ADAMTSL1: variants seen among roughly 807,000 people sequenced by gnomAD.
The protein encoded by ADAMTSL1 is ADAMTS like 1.
A neutral mutation model predicts 201.8 loss-of-function variants in ADAMTSL1; 126 were observed. The observed-to-expected ratio is 0.62, with a 90% CI of 0.54 to 0.72. ADAMTSL1 has a LOEUF of 0.72. Among genes scored for constraint, ADAMTSL1 ranks in the 30% least tolerant of loss-of-function variants. The probability of loss-of-function intolerance (pLI) is 0.00; values close to 1 mark genes in which losing one functional copy is unlikely to be tolerated. For synonymous variants in ADAMTSL1, 1,121 were observed against 903.4 expected (o/e 1.24, Z -4.32); for missense variants, 2,679 against 2,277.8 (o/e 1.18, Z -3.59).
At chr9:18,110,660 C>G (rs962607194) in intron 1 of ADAMTSL1, among the ~76,000 whole-genome samples, 16 of 152,116 alleles carry the variant, frequency 1.1e-4, no homozygotes, top group African/African-American at 3.6e-4. Context: ...GACTACCAAG[C>G]TGTTGCTCAG....
intron 1 of ADAMTSL1, among the ~76,000 whole-genome samples, chr9:18,081,527 T>A (rs1052741819): frequency 1.1e-4 from 16 of 152,170 alleles, no homozygotes; most frequent in Non-Finnish European, 2.9e-5. Flanking sequence ...TGTATGCAGG[T>A]GGATCAGGGC....
intron 2 of ADAMTSL1, among the ~76,000 whole-genome samples, chr9:18,262,063 C>G (rs1478851164): frequency 6.6e-6 from 1 of 152,114 alleles, no homozygotes; most frequent in Non-Finnish European, 1.5e-5. Flanking sequence ...GAGAATTTGA[C>G]TAATGTGTTA....
intron 2 of ADAMTSL1, among the ~76,000 whole-genome samples, chr9:18,361,626 C>G (rs116569846): frequency 0.014 from 2,152 of 152,210 alleles, 43 homozygotes; most frequent in African/African-American, 0.048. Context: ...TTTTTTCCAG[C>G]TTTTAATCCC....
chr9:18,194,488 A>G (rs1482393716), intron 2 of ADAMTSL1, among the ~76,000 whole-genome samples: 1 of 152,026 alleles, frequency 6.6e-6, no homozygotes, highest in African/African-American at 2.4e-5. Context: ...TGCCAGTAAC[A>G]ATGTTAACCC....
chr9:18,611,317 T>C (rs571102486), intron 4 of ADAMTSL1, among the ~76,000 whole-genome samples: 11 of 152,178 alleles, frequency 7.2e-5, no homozygotes, highest in Non-Finnish European at 1.3e-4. Flanking sequence ...TTGTTTCGCA[T>C]TCTCCAGACA....
rs1834193302 is a variant in ADAMTSL1 at position 18,312,478 on chromosome 9, ACTGGCC to A, written c.207+148498_207+148503del. ...TGGCTGCTAAGTGGTGGCCTTATGC[ACTGGCC>A]TTGGCCTTGAACTTGAGTTGCTTTT... On this transcript the variant is annotated intron_variant, in intron 2 of 29. Coordinates refer to the ADAMTSL1 transcript ENST00000680146. Among the ~76,000 whole-genome samples the A allele has an allele frequency of 3.3e-5, 5 of 152,312 alleles. No individual in the cohort carries two copies. The South Asian group carries it at 8.3e-4, about 25-fold the overall frequency.
chr9:18,830,116 G>C, intron 23 of ADAMTSL1, 139 bp downstream of exon 23: 1 of 1,204,774 alleles, frequency 8.3e-7, no homozygotes, highest in Middle Eastern at 2.2e-4. Flanking sequence ...ACAGAATCCA[G>C]ACTCACCAGT....
chr9:18,846,411 A>T (rs1281383780), intron 23 of ADAMTSL1, among the ~76,000 whole-genome samples: 2 of 152,198 alleles, frequency 1.3e-5, no homozygotes, highest in Non-Finnish European at 2.9e-5. Context: ...CTTCAGGTAG[A>T]GGAGCCGGCA....
chr9:18,795,213 C>T (rs1369261198), intron 19 of ADAMTSL1, among the ~76,000 whole-genome samples, 184 bp from the exon 20 acceptor site: 1 of 152,220 alleles, frequency 6.6e-6, no homozygotes, highest in East Asian at 1.9e-4. Flanking sequence ...ATCACTACCA[C>T]AGTCACATTA....
chr9:18,774,758 T>G (rs548657032), intron 17 of ADAMTSL1, among the ~76,000 whole-genome samples: 2 of 152,190 alleles, frequency 1.3e-5, no homozygotes. Context: ...TGTATAGATA[T>G]GGCATATTTT....
intron 9 of ADAMTSL1, among the ~76,000 whole-genome samples, chr9:18,671,546 G>A (rs1829813117): frequency 6.6e-6 from 1 of 152,130 alleles, no homozygotes; most frequent in Non-Finnish European, 1.5e-5. Context: ...ATGACTGAAT[G>A]GTGGTCGTGA....
At chr9:18,387,321 A>G (rs1837838975) in intron 2 of ADAMTSL1, among the ~76,000 whole-genome samples, 1 of 151,984 alleles carries the variant, frequency 6.6e-6, no homozygotes, top group South Asian at 2.1e-4. Flanking sequence ...TTACAGACAT[A>G]TAGTAATGAT....
At chr9:18,587,691 C>G (rs1269880551) in intron 4 of ADAMTSL1, among the ~76,000 whole-genome samples, 2 of 152,100 alleles carry the variant, frequency 1.3e-5, no homozygotes, top group East Asian at 3.8e-4. Context: ...CTATCTCAAA[C>G]AGATCCACTT....
chr9:18,695,503 G>A (rs1302025098), intron 13 of ADAMTSL1, among the ~76,000 whole-genome samples: 1 of 152,174 alleles, frequency 6.6e-6, no homozygotes, highest in Non-Finnish European at 1.5e-5. Flanking sequence ...GCTGTTAGAA[G>A]CATCCAGGTC....
At chr9:18,247,160 A>G (rs1831283370) in intron 2 of ADAMTSL1, among the ~76,000 whole-genome samples, 1 of 152,184 alleles carries the variant, frequency 6.6e-6, no homozygotes, top group African/African-American at 2.4e-5. Context: ...CATGAGATGT[A>G]TAGCATTTTA....
intron 1 of ADAMTSL1, among the ~76,000 whole-genome samples, chr9:17,919,052 G>A (rs1826205480): frequency 6.6e-6 from 1 of 151,518 alleles, no homozygotes; most frequent in African/African-American, 2.4e-5. Context: ...TTCTCACACT[G>A]TACCTTTAAT....
At chr9:18,719,575 G>A (rs1454062604) in intron 14 of ADAMTSL1, among the ~76,000 whole-genome samples, 1 of 152,162 alleles carries the variant, frequency 6.6e-6, no homozygotes, top group Non-Finnish European at 1.5e-5. Flanking sequence ...TTTTGGCCAG[G>A]CTGGTCTCGA....
intron 1 of ADAMTSL1, among the ~76,000 whole-genome samples, chr9:17,958,403 CA>C (rs1554670481): frequency 1.3e-5 from 2 of 152,156 alleles, no homozygotes; most frequent in Non-Finnish European, 2.9e-5. Context: ...TCTTGTTTAT[CA>C]AAGGCACAAG....
At chr9:18,563,148 G>T (rs1450930740) in intron 3 of ADAMTSL1, among the ~76,000 whole-genome samples, 1 of 152,164 alleles carries the variant, frequency 6.6e-6, no homozygotes, top group East Asian at 1.9e-4. Context: ...CATCTTAATG[G>T]ATTTATCTAC....
Sources: gnomAD v4.1 joint callset for allele counts (sites outside exome capture counted in the v4.1 genomes callset) on GRCh38, gnomAD v4.1.1 for gene constraint, MANE v1.5 for transcripts, NCBI Gene and HGNC (gene_info 2026-07-23, HGNC 2026-07-21) for gene names.